Variants in AKR1E2 observed in about 807,000 individuals in gnomAD.
AKR1E2 encodes aldo-keto reductase family 1 member E2.
Under a neutral mutation model 41.9 loss-of-function variants are expected in AKR1E2, and 43 were observed. The ratio of observed to expected loss-of-function variants is 1.03; its 90% CI spans 0.80 to 1.32. The LOEUF (loss-of-function observed/expected upper bound fraction) is 1.32, where lower values mean the gene tolerates loss of function less well. AKR1E2 is among the 40% of genes most tolerant of loss of function. The probability of loss-of-function intolerance (pLI) is 0.00; values close to 1 mark genes in which losing one functional copy is unlikely to be tolerated. For synonymous variants in AKR1E2, 121 were observed against 138.9 expected, an observed-to-expected ratio of 0.87 and a Z score of 0.91; for missense variants, 423 against 396.5, an observed-to-expected ratio of 1.07 and a Z score of -0.57.
chr10:4,870,483 G>GA, the AKR1E2 span, among the ~76,000 whole-genome samples: 763 of 103,922 alleles, frequency 7.3e-3, 9 homozygotes, highest in African/African-American at 0.023. Context: ...AGGTCTTCTG[G>GA]AAAAAAAATC....
the AKR1E2 span, among the ~76,000 whole-genome samples, chr10:4,866,839 G>T: frequency 6.6e-6 from 1 of 151,864 alleles, no homozygotes; most frequent in African/African-American, 2.4e-5. Flanking sequence ...CTTGTGCTCG[G>T]TCATTTCCTG....
At chr10:4,829,720 A>G (rs559201598) in intron 1 of AKR1E2, among the ~76,000 whole-genome samples, 1 of 152,094 alleles carries the variant, frequency 6.6e-6, no homozygotes, top group African/African-American at 2.4e-5. Flanking sequence ...GTTATTGGTA[A>G]TATTTTCTTT....
At chr10:4,845,803 CCATCCTCAGGCAGTGAGACAGGA>C (rs1000322991) in intron 8 of AKR1E2, 3 of 471,036 alleles carry the variant, frequency 6.4e-6, no homozygotes, top group African/African-American at 6.0e-5. Context: ...AGGGGAAATG[CCATCCTCAGGCAGTGAGACAGGA>C]CCAGGCTGAC....
chr10:4,851,132 G>A (rs1834519089), downstream of AKR1E2, among the ~76,000 whole-genome samples: 1 of 152,212 alleles, frequency 6.6e-6, no homozygotes. Flanking sequence ...GATGCGACCA[G>A]CTCTGGCTGG....
the AKR1E2 span, among the ~76,000 whole-genome samples, chr10:4,865,134 T>C: frequency 6.6e-6 from 1 of 152,158 alleles, no homozygotes; most frequent in African/African-American, 2.4e-5. Flanking sequence ...AAAACAGATA[T>C]GTCCAAACTT....
chr10:4,828,099 T>G lies in AKR1E2; in HGVS notation c.39+1736T>G, dbSNP rs565223766. 5.9e-5 allele frequency among the ~76,000 whole-genome samples: 9 copies of G among 152,334 alleles called. No individual in the cohort carries two copies. In the East Asian group the frequency reaches 1.5e-3, roughly 26 times the overall value. On this transcript the variant is annotated intron_variant, in intron 1 of 9. Transcript: ENST00000298375. ...CATCACAGACCTATCCGTTATCTGT[T>G]GCCCCAGAAATGCTGCATCAATGGC...
intron 2 of AKR1E2, among the ~76,000 whole-genome samples, chr10:4,831,620 C>T (rs748499256): frequency 1.3e-4 from 20 of 152,140 alleles, no homozygotes; most frequent in Non-Finnish European, 2.4e-4. Context: ...TCCCATGACA[C>T]GTAGGGATTA....
intron 2 of AKR1E2, 48 bp downstream of exon 2, chr10:4,830,890 C>A: frequency 6.2e-7 from 1 of 1,602,564 alleles, no homozygotes. Flanking sequence ...AATGCTACAT[C>A]TCTGGAGGGC....
Position 4,842,181 on chromosome 10 carries a change from C to CA in AKR1E2, c.754-239dup, listed in dbSNP as rs1833940719. ...TTCTAGTCTTCTTTGTTCTAATGTC[C>CA]AGTGGGGGGCTGGGCGCATGTTAAG... On this transcript the variant is annotated intron_variant, in intron 7 of 9. Coordinates refer to ENST00000298375, the MANE Select transcript of AKR1E2 (RefSeq NM_001040177.3). Among the ~76,000 whole-genome samples the CA allele has an allele frequency of 2.0e-5, 3 of 152,032 alleles. No individual in the cohort carries two copies. In the South Asian group the frequency reaches 6.2e-4, roughly 32 times the overall value.
the AKR1E2 span, among the ~76,000 whole-genome samples, chr10:4,870,626 G>A: frequency 6.6e-6 from 1 of 151,292 alleles, no homozygotes; most frequent in Non-Finnish European, 1.5e-5. Flanking sequence ...CTCCATGGTT[G>A]TTTGATGATA....
At chr10:4,825,604 G>A (rs138192220), upstream of AKR1E2, among the ~76,000 whole-genome samples, 68 of 152,344 alleles carry the variant, frequency 4.5e-4, no homozygotes, top group African/African-American at 1.3e-3. Flanking sequence ...GACCCAGGGA[G>A]TGGAAGGCAT....
the AKR1E2 span, among the ~76,000 whole-genome samples, chr10:4,866,645 G>GTTTTTT: frequency 7.6e-5 from 9 of 119,180 alleles, no homozygotes; most frequent in African/African-American, 1.2e-4. Context: ...TTTTGTTTTT[G>GTTTTTT]TTTTTTTTTT....
At chr10:4,865,533 A>G in the AKR1E2 span, among the ~76,000 whole-genome samples, 1 of 152,338 alleles carries the variant, frequency 6.6e-6, no homozygotes, top group South Asian at 2.1e-4. Context: ...GCCAGTAAGC[A>G]AATTAATGAT....
chr10:4,842,467 G>C lies in AKR1E2; in HGVS notation c.800G>C (p.Gly267Ala). The C allele has an allele frequency of 6.2e-7, 1 of 1,614,094 alleles. No homozygotes were observed. Among genetic ancestry groups the C allele is most frequent in the Non-Finnish European group, 8.5e-7 (1 of 1,179,994 alleles). ...QIQRNVIVIP[G>A]SITPSHIKEN... ...CAGAGGAATGTGATAGTGATCCCCG[G>C]ATCTATCACCCCAAGTCACATTAAA... The change falls in exon 8 of 10, where the codon GGA (glycine) becomes GCA (alanine). Residue 267 changes from glycine to alanine, a missense_variant. By Grantham distance (60) the Gly-to-Ala change is moderately conservative. Transcript: ENST00000298375.
chr10:4,848,674 T>A (rs1017262709), downstream of AKR1E2, among the ~76,000 whole-genome samples: 2 of 152,200 alleles, frequency 1.3e-5, no homozygotes, highest in Non-Finnish European at 2.9e-5. Flanking sequence ...TCAGGGAAGA[T>A]ATGGAGGTGT....
chr10:4,849,730 A>C (rs1834487517), downstream of AKR1E2, among the ~76,000 whole-genome samples: 1 of 152,182 alleles, frequency 6.6e-6, no homozygotes, highest in Non-Finnish European at 1.5e-5. Flanking sequence ...GTAATACGTC[A>C]GGTGTCTCAC....
intron 4 of AKR1E2, 132 bp from the exon 5 acceptor site, chr10:4,837,327 A>G: frequency 7.6e-7 from 1 of 1,319,030 alleles, no homozygotes; most frequent in East Asian, 2.4e-5. Context: ...AATGCTTTTG[A>G]AGCTTCAAGT....
At position 4,833,855 on chromosome 10, in the gene AKR1E2, G is replaced by A. The variant is rs1833180386; in HGVS notation, c.324+389G>A. On this transcript the variant is annotated intron_variant, in intron 3 of 9. Transcript: ENST00000298375. ...TTGCAGGTTCTGTTCTCTTTGGGGA[G>A]TAAATGCTGTTTTGCAATATGGGAG... Among the ~76,000 whole-genome samples the A allele has an allele frequency of 3.3e-5, 5 of 152,222 alleles. No homozygotes were observed. The South Asian group carries it at 6.2e-4, about 19-fold the overall frequency.
the AKR1E2 span, among the ~76,000 whole-genome samples, chr10:4,866,645 GTTTTT>G: frequency 5.0e-5 from 6 of 119,194 alleles, no homozygotes; most frequent in Non-Finnish European, 8.5e-5. Flanking sequence ...TTTTGTTTTT[GTTTTT>G]TTTTTTTTTT....
Sources: allele counts gnomAD v4.1 joint callset (sites outside exome capture counted in the v4.1 genomes callset), GRCh38; gene constraint gnomAD v4.1.1; transcripts MANE v1.5; gene names NCBI Gene and HGNC (gene_info 2026-07-23, HGNC 2026-07-21).